Variants in SLC49A4 observed in about 807,000 individuals in gnomAD.
The protein encoded by SLC49A4 is solute carrier family 49 member 4, also known as disrupted in renal cancer protein 2.
Under a neutral mutation model 50.6 loss-of-function variants are expected in SLC49A4, and 36 were observed. The ratio of observed to expected loss-of-function variants is 0.71; its 90% CI spans 0.55 to 0.94. The LOEUF is 0.94. Among genes scored for constraint, SLC49A4 ranks in the 40% least tolerant of loss-of-function variants. The pLI is 0.00. For synonymous variants in SLC49A4, 248 were observed against 241.2 expected (o/e 1.03, Z -0.26); for missense variants, 503 against 605.7 (o/e 0.83, Z 1.78).
At chr3:122,804,104 A>G (rs1257726564) in intron 1 of SLC49A4, among the ~76,000 whole-genome samples, 2 of 152,204 alleles carry the variant, frequency 1.3e-5, no homozygotes, top group Non-Finnish European at 1.5e-5. Context: ...TTTACAGGAA[A>G]CATGGTGCTG....
chr3:122,875,611 C>T (rs895642688), intron 8 of SLC49A4, among the ~76,000 whole-genome samples: 2 of 152,114 alleles, frequency 1.3e-5, no homozygotes, highest in Non-Finnish European at 2.9e-5. Flanking sequence ...CTTGGCCTCC[C>T]AAAGTGCTGA....
intron 1 of SLC49A4, among the ~76,000 whole-genome samples, chr3:122,796,146 T>A (rs544072364): frequency 6.6e-6 from 1 of 152,338 alleles, no homozygotes; most frequent in African/African-American, 2.4e-5. Flanking sequence ...AGATGCTTGC[T>A]TAGAATGGTA....
At chr3:122,821,938 G>T (rs1320502560) in intron 2 of SLC49A4, among the ~76,000 whole-genome samples, 1 of 152,024 alleles carries the variant, frequency 6.6e-6, no homozygotes, top group Admixed American at 6.6e-5. Context: ...GTATGCATTT[G>T]GATAACTTTG....
intron 4 of SLC49A4, 116 bp downstream of exon 4, chr3:122,833,562 G>T: frequency 1.1e-6 from 1 of 915,972 alleles, no homozygotes; most frequent in Non-Finnish European, 1.6e-6. Context: ...TAGGTTGTAA[G>T]TAATTGATAA....
intron 8 of SLC49A4, among the ~76,000 whole-genome samples, chr3:122,873,091 G>A (rs181429773): frequency 6.1e-4 from 93 of 152,312 alleles, no homozygotes; most frequent in African/African-American, 2.1e-3. Context: ...GACACTCCAA[G>A]AGGCCGAATT....
intron 7 of SLC49A4, among the ~76,000 whole-genome samples, chr3:122,870,356 T>G (rs923507450): frequency 1.3e-5 from 2 of 150,270 alleles, no homozygotes; most frequent in Non-Finnish European, 3.0e-5. Context: ...AATTTTTATT[T>G]AAAAAAAAAC....
At chr3:122,835,915 A>G (rs1438218031) in intron 4 of SLC49A4, among the ~76,000 whole-genome samples, 1 of 152,242 alleles carries the variant, frequency 6.6e-6, no homozygotes, top group African/African-American at 2.4e-5. Context: ...CTCTCAGGTT[A>G]CAAAATCAGT....
chr3:122,870,822 T>C (rs1339300411), intron 7 of SLC49A4, among the ~76,000 whole-genome samples: 1 of 129,366 alleles, frequency 7.7e-6, no homozygotes, highest in African/African-American at 2.7e-5. Context: ...TCAACAATAA[T>C]AATAATAATA....
intron 5 of SLC49A4, among the ~76,000 whole-genome samples, chr3:122,851,893 T>G (rs931912510): frequency 7.2e-5 from 11 of 152,144 alleles, no homozygotes; most frequent in African/African-American, 2.7e-4. Flanking sequence ...ATTTTAGCTA[T>G]CTTTTCTTCC....
At chr3:122,830,711 A>C (rs1038900815) in intron 3 of SLC49A4, among the ~76,000 whole-genome samples, 7 of 152,236 alleles carry the variant, frequency 4.6e-5, no homozygotes, top group African/African-American at 1.7e-4. Context: ...GTAAATCTTT[A>C]TGACCTTGGA....
chr3:122,862,514 A>G (rs551173113), intron 7 of SLC49A4, among the ~76,000 whole-genome samples: 1 of 152,354 alleles, frequency 6.6e-6, no homozygotes, highest in African/African-American at 2.4e-5. Context: ...ATTCTGAGCC[A>G]GAGCCAGAAT....
chr3:122,855,114 G>T (rs1359400596), intron 5 of SLC49A4, among the ~76,000 whole-genome samples: 1 of 151,506 alleles, frequency 6.6e-6, no homozygotes. Flanking sequence ...AAAAAAGAAA[G>T]AAAAAGAAAA....
intron 3 of SLC49A4, among the ~76,000 whole-genome samples, chr3:122,833,034 C>T (rs1027143466): frequency 6.6e-6 from 1 of 151,746 alleles, no homozygotes. Flanking sequence ...CTCAGGAGTT[C>T]GAGACCAGCC....
At chr3:122,819,270 T>A (rs940608364) in intron 2 of SLC49A4, among the ~76,000 whole-genome samples, 4 of 148,244 alleles carry the variant, frequency 2.7e-5, no homozygotes, top group South Asian at 2.2e-4. Flanking sequence ...AAAAATCCTG[T>A]GAGACAGAAA....
chr3:122,825,167 A>G (rs1205381539), intron 2 of SLC49A4, among the ~76,000 whole-genome samples: 19 of 152,230 alleles, frequency 1.2e-4, no homozygotes, highest in African/African-American at 2.4e-5. Context: ...ACATGAGTCT[A>G]ATACCTCATT....
rs556824025 is a variant in SLC49A4 at position 122,880,301 on chromosome 3, A to G, written c.*923A>G. Reference sequence around the variant, plus strand: ...TTAAAAATAATAATTTATCACATTGAAACTTTCAGCTCTGTCGAATGATTT... The same window carrying G: ...TTAAAAATAATAATTTATCACATTGGAACTTTCAGCTCTGTCGAATGATTT... On this transcript the variant is annotated 3_prime_UTR_variant, in exon 9 of 9. Transcript: ENST00000261038. The G allele has an allele frequency of 2.6e-5, 4 of 152,330 alleles. No homozygotes were observed. The highest frequency in any genetic ancestry group is 2.1e-4 in the South Asian group (1 of 4,828). 9.4% of individuals were successfully genotyped at this position (152,330 alleles called of 1,614,324 possible).
intron 4 of SLC49A4, among the ~76,000 whole-genome samples, chr3:122,845,210 T>C (rs757350311): frequency 2.0e-5 from 3 of 152,186 alleles, no homozygotes; most frequent in Non-Finnish European, 2.9e-5. Flanking sequence ...AGTGAGAACA[T>C]GTGGTATTTG....
intron 1 of SLC49A4, 55 bp from the exon 2 acceptor site, chr3:122,806,802 A>G (rs1384540195): frequency 9.4e-7 from 1 of 1,065,050 alleles, no homozygotes; most frequent in Non-Finnish European, 1.5e-6. Flanking sequence ...CTTTATTTTT[A>G]ACATTGGACT....
chr3:122,806,643 A>C (rs903739049), intron 1 of SLC49A4, among the ~76,000 whole-genome samples: 7 of 151,424 alleles, frequency 4.6e-5, no homozygotes, highest in Non-Finnish European at 1.0e-4. Flanking sequence ...CTCAAAGTGC[A>C]AGGATTACAG....
Sources: gnomAD v4.1 joint callset for allele counts (sites outside exome capture counted in the v4.1 genomes callset) on GRCh38, gnomAD v4.1.1 for gene constraint, MANE v1.5 for transcripts, NCBI Gene and HGNC (gene_info 2026-07-23, HGNC 2026-07-21) for gene names.